PACRGL: variants seen among roughly 807,000 people sequenced by gnomAD.
PACRGL encodes parkin coregulated like.
PACRGL carries 38 observed loss-of-function variants against 34.5 expected under a neutral mutation model. The observed-to-expected ratio is 1.10, with a 90% confidence interval of 0.85 to 1.44. PACRGL has a LOEUF of 1.44. Among genes scored for constraint, PACRGL ranks in the 40% most tolerant of loss-of-function variants. The probability of loss-of-function intolerance (pLI) is 0.00; values close to 1 mark genes in which losing one functional copy is unlikely to be tolerated. For missense variants in PACRGL, 305 were observed against 281.4 expected (o/e 1.08, Z -0.60); for synonymous variants, 128 against 100.1 (o/e 1.28, Z -1.66).
intron 8 of PACRGL, among the ~76,000 whole-genome samples, chr4:20,738,576 C>G (rs1750266231): frequency 6.6e-6 from 1 of 152,202 alleles, no homozygotes; most frequent in African/African-American, 2.4e-5. Context: ...CCACACAAAA[C>G]AGCAGAGAAA....
chr4:20,717,546 C>A (rs866730845), intron 7 of PACRGL, among the ~76,000 whole-genome samples: 5 of 152,168 alleles, frequency 3.3e-5, no homozygotes, highest in Non-Finnish European at 5.9e-5. Context: ...TCAGCTTTCT[C>A]CATATGGCTA....
At chr4:20,717,336 A>G (rs1337493683) in intron 7 of PACRGL, among the ~76,000 whole-genome samples, 1 of 152,134 alleles carries the variant, frequency 6.6e-6, no homozygotes, top group Non-Finnish European at 1.5e-5. Flanking sequence ...TCTTTAGTTT[A>G]ATTAGACACC....
the PACRGL span, among the ~76,000 whole-genome samples, chr4:20,765,433 G>T: frequency 2.0e-5 from 3 of 152,142 alleles, no homozygotes; most frequent in African/African-American, 7.2e-5. Flanking sequence ...TCAAAATTGG[G>T]ATCACCGATT....
intron 8 of PACRGL, 55 bp downstream of exon 8, chr4:20,724,943 A>C: frequency 1.0e-6 from 1 of 983,268 alleles, no homozygotes; most frequent in Non-Finnish European, 1.4e-6. Context: ...GTGTATTACT[A>C]AATTGACATA....
chr4:20,752,942 G>T (rs555013054), downstream of PACRGL: 1 of 152,266 alleles, frequency 6.6e-6, no homozygotes, highest in African/African-American at 2.4e-5. Flanking sequence ...ACAGTCCAGG[G>T]CTTAAAAGAT....
intron 8 of PACRGL, among the ~76,000 whole-genome samples, chr4:20,741,842 AAG>A (rs1197862884): frequency 6.6e-6 from 1 of 152,218 alleles, no homozygotes; most frequent in African/African-American, 2.4e-5. Flanking sequence ...TAAAGAAGAA[AAG>A]AGAGAAGAAT....
chr4:20,731,997 A>ATTAC lies in PACRGL; in HGVS notation c.*4663_*4666dup. 6.2e-7 allele frequency: 1 copy of ATTAC among 1,613,166 alleles called. No individual in the cohort carries two copies. On this transcript the variant is annotated 3_prime_UTR_variant, in exon 9 of 9. Transcript: ENST00000503585. ...CTGAATTGATAGTTATTACACTTTC[A>ATTAC]TTACTTACTTTTTGGCAGCTTTCAA...
chr4:20,761,350 G>A, the PACRGL span, among the ~76,000 whole-genome samples: 1,208 of 152,244 alleles, frequency 7.9e-3, 16 homozygotes, highest in African/African-American at 0.028. Context: ...ATACATAAAT[G>A]AATTAACAAC....
In PACRGL at chr4:20,732,530, A is replaced by G. The variant is rs928093036; in HGVS notation, c.*5189A>G. 9.2e-6 allele frequency: 6 copies of G among 654,630 alleles called. No homozygotes were observed. In the African/African-American group the frequency reaches 9.2e-5, roughly 10 times the overall value. The allele number at this position is 654,630 out of a possible 1,614,324, so 40.6% of individuals were successfully genotyped here. ...TTATCAGCATTGTAAATTCAAAACC[A>G]AAGCTATTAAATTAATAGGATGCTA... On this transcript the variant is annotated 3_prime_UTR_variant, in exon 9 of 9. Transcript: ENST00000503585.
intron 1 of PACRGL, among the ~76,000 whole-genome samples, chr4:20,703,598 C>T (rs753825597): frequency 5.3e-5 from 8 of 151,324 alleles, no homozygotes; most frequent in Non-Finnish European, 1.0e-4. Flanking sequence ...TAGAGTCCTC[C>T]ATTAGCAGAA....
chr4:20,743,921 A>G (rs1190474867), intron 8 of PACRGL, among the ~76,000 whole-genome samples: 1 of 115,108 alleles, frequency 8.7e-6, no homozygotes, highest in Admixed American at 8.4e-5. Context: ...AATTTACAAG[A>G]AAAAAAAAAA....
At chr4:20,744,629 G>A (rs1448846007) in intron 8 of PACRGL, among the ~76,000 whole-genome samples, 2 of 151,640 alleles carry the variant, frequency 1.3e-5, no homozygotes, top group Middle Eastern at 3.2e-3. Flanking sequence ...GGGTCAGGGG[G>A]ATGGGGGAGG....
At chr4:20,718,010 T>C (rs1314952724) in intron 7 of PACRGL, among the ~76,000 whole-genome samples, 2 of 152,156 alleles carry the variant, frequency 1.3e-5, no homozygotes, top group Admixed American at 6.5e-5. Flanking sequence ...TTTTATTTTG[T>C]TGAGCAGTGG....
chr4:20,748,159 T>C (rs1030904950), intron 8 of PACRGL, among the ~76,000 whole-genome samples: 2 of 152,146 alleles, frequency 1.3e-5, no homozygotes, highest in African/African-American at 4.8e-5. Context: ...TCCTACAAGA[T>C]AGTCCAATCT....
intron 3 of PACRGL, among the ~76,000 whole-genome samples, chr4:20,705,151 T>A (rs1733953880): frequency 6.8e-6 from 1 of 146,342 alleles, no homozygotes; most frequent in Non-Finnish European, 1.5e-5. Flanking sequence ...CTTTTCGTGC[T>A]TCTATAGTTG....
chr4:20,710,039 A>G (rs775478883), intron 5 of PACRGL, among the ~76,000 whole-genome samples: 1 of 152,232 alleles, frequency 6.6e-6, no homozygotes, highest in East Asian at 1.9e-4. Flanking sequence ...TACTTCAAAA[A>G]AAATATGTGG....
downstream of PACRGL, among the ~76,000 whole-genome samples, chr4:20,735,592 C>T (rs1228927263): frequency 1.4e-5 from 2 of 140,842 alleles, no homozygotes; most frequent in African/African-American, 5.4e-5. Context: ...TGCAGTGGCA[C>T]AATCTTGGCT....
At position 20,731,808 on chromosome 4, in the gene PACRGL, A is replaced by G; in HGVS notation, c.*4467A>G. 3.0e-6 allele frequency: 3 copies of G among 985,378 alleles called. No individual in the cohort carries two copies. Among genetic ancestry groups the G allele is most frequent in the Non-Finnish European group, 3.6e-6 (3 of 829,920 alleles). 61.0% of individuals were successfully genotyped at this position (985,378 alleles called of 1,614,324 possible). A position where few individuals can be genotyped will look rare whatever the true frequency, so the allele number is the denominator to read the frequency against. ...TCCCCAGGGTTTCCTCCATAGCCTG[A>G]CTCAGTGGGCACTCTAAATGTTGAT... On this transcript the variant is annotated 3_prime_UTR_variant, in exon 9 of 9. Transcript: ENST00000503585.
intron 3 of PACRGL, among the ~76,000 whole-genome samples, chr4:20,706,051 G>A (rs756505494): frequency 1.3e-5 from 2 of 151,458 alleles, no homozygotes; most frequent in Non-Finnish European, 2.9e-5. Context: ...GTGTAGTATA[G>A]TATATAACAT....
Sources: allele counts gnomAD v4.1 joint callset (sites outside exome capture counted in the v4.1 genomes callset), GRCh38; gene constraint gnomAD v4.1.1; transcripts MANE v1.5; gene names NCBI Gene and HGNC (gene_info 2026-07-23, HGNC 2026-07-21).